Variants in OGDH observed in about 807,000 individuals in gnomAD.
OGDH encodes the protein 2-oxoglutarate dehydrogenase complex component E1.
In OGDH, 38 loss-of-function variants were observed where a neutral mutation model predicts 116.6. The observed-to-expected ratio is 0.33, with a 90% confidence interval of 0.25 to 0.43. OGDH has a LOEUF of 0.43. Ranked by LOEUF, OGDH falls within the 20% of genes least tolerant of loss-of-function variation. OGDH has a pLI of 1.00. For missense variants in OGDH, 825 were observed against 1,357.2 expected (o/e 0.61, Z 6.16); for synonymous variants, 488 against 533.3 (o/e 0.92, Z 1.17).
Position 44,676,050 on chromosome 7 carries a change from C to T in OGDH, c.1107C>T (p.Ser369=). The T allele has an allele frequency of 6.2e-7, 1 of 1,614,104 alleles. No homozygotes were observed. The highest frequency in any genetic ancestry group is 8.5e-7 in the Non-Finnish European group (1 of 1,180,028). ...TCACCGACAGGAACATTACCTTGTC[C>T]TTGGTGGCCAACCCTTCCCACCTTG... ...NRVTDRNITL[S]LVANPSHLEA... Residue 369 remains serine, a synonymous_variant, in exon 9 of 23, where the codon TCC becomes TCT. Coordinates refer to ENST00000222673, the MANE Select transcript of OGDH (RefSeq NM_002541.4).
chr7:44,644,160 A>G (rs1442021047), intron 2 of OGDH, among the ~76,000 whole-genome samples: 2 of 152,226 alleles, frequency 1.3e-5, no homozygotes, highest in Non-Finnish European at 2.9e-5. Flanking sequence ...AGCCAAGATC[A>G]TGCCACCACA....
chr7:44,658,649 C>G (rs536529338), intron 4 of OGDH, among the ~76,000 whole-genome samples: 67 of 152,190 alleles, frequency 4.4e-4, no homozygotes, highest in Admixed American at 1.6e-3. Context: ...TGTTCCTGAT[C>G]TAAGGGTAAA....
At chr7:44,682,560 T>TG (rs918384689) in intron 10 of OGDH, among the ~76,000 whole-genome samples, 12 of 151,662 alleles carry the variant, frequency 7.9e-5, no homozygotes, top group Admixed American at 6.6e-4. Context: ...ACCTGCTTGG[T>TG]GGCGCGCACT....
intron 1 of OGDH, among the ~76,000 whole-genome samples, chr7:44,616,045 A>T (rs1178096974): frequency 6.6e-6 from 1 of 151,884 alleles, no homozygotes; most frequent in Non-Finnish European, 1.5e-5. Context: ...AAAAAAAAAA[A>T]ACCTCAATGC....
intron 2 of OGDH, among the ~76,000 whole-genome samples, chr7:44,640,587 A>G (rs1268213670): frequency 2.0e-5 from 3 of 152,212 alleles, no homozygotes; most frequent in Non-Finnish European, 4.4e-5. Context: ...GGCTGTCTGT[A>G]CAGCTGGAGA....
chr7:44,686,987 A>G (rs1054554149), intron 10 of OGDH, among the ~76,000 whole-genome samples: 6 of 150,326 alleles, frequency 4.0e-5, no homozygotes, highest in Admixed American at 1.3e-4. Flanking sequence ...ACACCCGGCC[A>G]TATTTTTCTT....
intron 4 of OGDH, among the ~76,000 whole-genome samples, chr7:44,655,162 C>A (rs984754414): frequency 6.6e-6 from 1 of 152,126 alleles, no homozygotes; most frequent in Admixed American, 6.5e-5. Context: ...GAGGCCCTCC[C>A]CTGTGTAGAT....
At chr7:44,702,839 A>AC (rs1306831893) in intron 20 of OGDH, among the ~76,000 whole-genome samples, 4 of 151,936 alleles carry the variant, frequency 2.6e-5, no homozygotes, top group Non-Finnish European at 5.9e-5. Flanking sequence ...CTCATGATCC[A>AC]CCCATCTTGG....
In OGDH at chr7:44,708,012, G is replaced by A; in HGVS notation, c.*13G>A. On this transcript the variant is annotated 3_prime_UTR_variant, in exon 23 of 23. Coordinates refer to ENST00000222673, the MANE Select transcript of OGDH (RefSeq NM_002541.4). Reference sequence around the variant, plus strand: ...GAACTTCTCGTAGATGCTGCCTAGGGTTGCTTGGGCCACTGCCCTCTCCAC... The same window carrying A: ...GAACTTCTCGTAGATGCTGCCTAGGATTGCTTGGGCCACTGCCCTCTCCAC... 6.2e-7 allele frequency: 1 copy of A among 1,610,160 alleles called. No homozygotes were observed. Among genetic ancestry groups the A allele is most frequent in the South Asian group, 1.1e-5 (1 of 90,960 alleles).
chr7:44,680,571 C>G (rs1272035964), intron 9 of OGDH, among the ~76,000 whole-genome samples: 1 of 148,444 alleles, frequency 6.7e-6, no homozygotes, highest in Non-Finnish European at 1.5e-5. Context: ...CACACACACA[C>G]ACAGAAATAG....
At chr7:44,614,483 G>T (rs750629568) in intron 1 of OGDH, among the ~76,000 whole-genome samples, 7 of 151,592 alleles carry the variant, frequency 4.6e-5, no homozygotes, top group Non-Finnish European at 7.4e-5. Flanking sequence ...CCTTCATCAG[G>T]GACTCCAATG....
At chr7:44,607,124 G>C (rs1350326011) in intron 1 of OGDH, among the ~76,000 whole-genome samples, 1 of 152,210 alleles carries the variant, frequency 6.6e-6, no homozygotes, top group African/African-American at 2.4e-5. Context: ...CGCTTTGTCC[G>C]AAAGACAGTG....
chr7:44,686,230 A>G (rs909577739), intron 10 of OGDH, among the ~76,000 whole-genome samples: 2 of 152,056 alleles, frequency 1.3e-5, no homozygotes, highest in Admixed American at 6.5e-5. Flanking sequence ...CTTGTTTCCA[A>G]TTTTTGGAAG....
At chr7:44,683,288 G>A (rs1057007817) in intron 10 of OGDH, among the ~76,000 whole-genome samples, 1 of 152,120 alleles carries the variant, frequency 6.6e-6, no homozygotes, top group East Asian at 1.9e-4. Context: ...GGAGTGTAGG[G>A]GCATGATGAT....
At chr7:44,646,060 G>A (rs1334881098) in intron 3 of OGDH, among the ~76,000 whole-genome samples, 1 of 152,190 alleles carries the variant, frequency 6.6e-6, no homozygotes, top group Non-Finnish European at 1.5e-5. Context: ...GGCCAGTCTC[G>A]TTAGGCAAGT....
chr7:44,629,611 GCT>G (rs1785350201), intron 2 of OGDH, among the ~76,000 whole-genome samples: 4 of 127,438 alleles, frequency 3.1e-5, no homozygotes, highest in Admixed American at 2.0e-4. Context: ...GACGAGTCTC[GCT>G]CTGTCACCAA....
chr7:44,697,978 C>T lies in OGDH; in HGVS notation c.2358+196C>T, dbSNP rs1788658510. On this transcript the variant is annotated intron_variant, in intron 17 of 22. Transcript: ENST00000222673. The surrounding 1 kb of genome is among the most constrained non-coding windows in gnomAD (Gnocchi z 6.0). ...CCATCTGGATGTGGCTAGCATGCCC[C>T]GTCCCTGCTGGTGCAGACTCCCTAG... is the stretch of plus-strand genomic sequence containing the variant. Among the ~76,000 whole-genome samples the T allele has an allele frequency of 6.6e-6, 1 of 152,196 alleles. No individual in the cohort carries two copies. Among genetic ancestry groups the T allele is most frequent in the Admixed American group, 6.5e-5 (1 of 15,282 alleles).
rs1168265287 is a variant in OGDH, at chr7:44,624,437, A to G, written c.94A>G (p.Arg32Gly). 1.9e-6 allele frequency: 3 copies of G among 1,613,602 alleles called. No individual in the cohort carries two copies. The East Asian group carries it at 6.7e-5, about 36-fold the overall frequency. ...TTCACAAAACAGACCAGCAGCAGCT[A>G]GGACATTTCAACAGATTCGGTGCTA... ...TFSQNRPAAARTFQQIRCYSA... is the reference protein window; with the variant it reads ...TFSQNRPAAAGTFQQIRCYSA... Residue 32 changes from arginine to glycine, a missense_variant, in exon 2 of 23, where the codon AGG becomes GGG. Transcript: ENST00000222673.
chr7:44,612,466 C>A (rs548991407), intron 1 of OGDH, among the ~76,000 whole-genome samples: 1 of 151,266 alleles, frequency 6.6e-6, no homozygotes. Context: ...TCACTGCAAC[C>A]TCTGCATCCT....
Sources: allele counts gnomAD v4.1 joint callset (sites outside exome capture counted in the v4.1 genomes callset), GRCh38; gene constraint gnomAD v4.1.1; non-coding constraint Gnocchi (gnomAD v3.1); transcripts MANE v1.5; gene names NCBI Gene and HGNC (gene_info 2026-07-23, HGNC 2026-07-21).